Variants in GFRA2 observed in about 807,000 individuals in gnomAD.
GFRA2 encodes GDNF family receptor alpha-2.
Under a neutral mutation model 48.3 loss-of-function variants are expected in GFRA2, and 17 were observed. The ratio of observed to expected loss-of-function variants is 0.35; its 90% CI spans 0.24 to 0.53. The LOEUF is 0.53. GFRA2 is among the 20% of genes least tolerant of loss of function. The pLI, the probability that GFRA2 is intolerant of heterozygous loss-of-function variation, is 0.93. For synonymous variants in GFRA2, 305 were observed against 257.2 expected, an observed-to-expected ratio of 1.19 and a Z score of -1.78; for missense variants, 660 against 637.3, an observed-to-expected ratio of 1.04 and a Z score of -0.38.
At chr8:21,798,916 T>C (rs1038033374) in intron 2 of GFRA2, among the ~76,000 whole-genome samples, 5 of 152,234 alleles carry the variant, frequency 3.3e-5, no homozygotes, top group African/African-American at 1.2e-4. Flanking sequence ...CTCCCATTCT[T>C]ATCTGTACTC....
intron 4 of GFRA2, among the ~76,000 whole-genome samples, chr8:21,723,375 A>T (rs537879009): frequency 1.2e-4 from 18 of 152,336 alleles, no homozygotes; most frequent in South Asian, 2.1e-4. Context: ...CCAAAGGAAG[A>T]AAAATCTGAG....
At chr8:21,788,048 CGGCG>C in intron 1 of GFRA2, 68 bp downstream of exon 1, 3 of 665,726 alleles carry the variant, frequency 4.5e-6, no homozygotes, top group Non-Finnish European at 7.2e-6. Context: ...AGCCCCCCAC[CGGCG>C]CTCCGCTCGC....
upstream of GFRA2, among the ~76,000 whole-genome samples, chr8:21,792,327 T>C (rs1807587147): frequency 6.6e-6 from 1 of 152,036 alleles, no homozygotes; most frequent in African/African-American, 2.4e-5. Context: ...ACCCCAGAGA[T>C]AAAAATCGAC....
chr8:21,719,887 T>G (rs547815099), intron 4 of GFRA2, among the ~76,000 whole-genome samples: 3 of 151,674 alleles, frequency 2.0e-5, no homozygotes, highest in African/African-American at 7.3e-5. Flanking sequence ...AGACCAGTAA[T>G]TTGTCCGAAG....
chr8:21,697,762 C>G (rs1026882784), intron 7 of GFRA2, among the ~76,000 whole-genome samples: 1 of 152,108 alleles, frequency 6.6e-6, no homozygotes, highest in Admixed American at 6.5e-5. Context: ...GAATCATGGG[C>G]GTGGGTCTCT....
upstream of GFRA2, among the ~76,000 whole-genome samples, chr8:21,791,412 G>C (rs1247935527): frequency 6.6e-6 from 1 of 151,980 alleles, no homozygotes; most frequent in African/African-American, 2.4e-5. Context: ...TCTGACCTTG[G>C]ACCCTCTCTT....
intron 7 of GFRA2, among the ~76,000 whole-genome samples, chr8:21,700,332 AGGGCTGCCCAGAGAGGG>A (rs1460152868): frequency 6.6e-6 from 1 of 152,234 alleles, no homozygotes; most frequent in Non-Finnish European, 1.5e-5. Context: ...CCAGGGAGGC[AGGGCTGCCCAGAGAGGG>A]GGCCAAAGCC....
At chr8:21,808,489 A>G (rs1807912288) in intron 1 of GFRA2, among the ~76,000 whole-genome samples, 1 of 152,252 alleles carries the variant, frequency 6.6e-6, no homozygotes, top group South Asian at 2.1e-4. Context: ...CCAAAGTCAG[A>G]GTAAGCCTAG....
chr8:21,806,722 C>T (rs1807875441), intron 1 of GFRA2, among the ~76,000 whole-genome samples: 1 of 152,178 alleles, frequency 6.6e-6, no homozygotes, highest in Non-Finnish European at 1.5e-5. Flanking sequence ...CCACCTCTGC[C>T]TCCCAAAGCA....
At chr8:21,784,898 C>T (rs1376396265) in intron 1 of GFRA2, among the ~76,000 whole-genome samples, 1 of 152,146 alleles carries the variant, frequency 6.6e-6, no homozygotes, top group African/African-American at 2.4e-5. Context: ...GAGCAGGACC[C>T]GCGTACAGCC....
Position 21,707,626 on chromosome 8 carries a change from G to A in GFRA2, c.795-1585C>T, listed in dbSNP as rs554567467. The stretch of plus-strand genomic sequence containing the variant: ...GGGTACCAAACCAAGAGTCAGCTCA[G>A]CTCTGCCCTAACTCACTGGGAGACC... On this transcript the variant is annotated intron_variant, in intron 4 of 8. Coordinates refer to ENST00000524240, the MANE Select transcript of GFRA2 (RefSeq NM_001495.5). Among the ~76,000 whole-genome samples the A allele has an allele frequency of 2.0e-5, 3 of 152,330 alleles. No homozygotes were observed. The South Asian group carries it at 6.2e-4, about 32-fold the overall frequency.
chr8:21,796,895 T>C (rs200337451), intron 2 of GFRA2, among the ~76,000 whole-genome samples: 1,873 of 152,350 alleles, frequency 0.012, 52 homozygotes, highest in East Asian at 0.12. Context: ...GTGCACGGCC[T>C]TCAACAGCCT....
chr8:21,811,666 C>T (rs1333629497), intron 1 of GFRA2, among the ~76,000 whole-genome samples: 1 of 152,038 alleles, frequency 6.6e-6, no homozygotes, highest in African/African-American at 2.4e-5. Context: ...AAGTCCTCCC[C>T]CCGCCTTCCC....
At chr8:21,755,146 C>T (rs1318828874) in intron 3 of GFRA2, among the ~76,000 whole-genome samples, 1 of 152,050 alleles carries the variant, frequency 6.6e-6, no homozygotes, top group Non-Finnish European at 1.5e-5. Context: ...AGGATGCATG[C>T]CATTAGACGT....
intron 4 of GFRA2, among the ~76,000 whole-genome samples, chr8:21,735,188 C>A (rs1387831531): frequency 2.0e-5 from 3 of 152,206 alleles, no homozygotes; most frequent in Admixed American, 2.0e-4. Flanking sequence ...AATAAACTTT[C>A]TAAATTGACT....
intron 4 of GFRA2, among the ~76,000 whole-genome samples, chr8:21,717,188 G>C (rs1022730973): frequency 3.9e-5 from 6 of 152,214 alleles, no homozygotes; most frequent in African/African-American, 1.4e-4. Flanking sequence ...TTCAAGGAGA[G>C]CAACTCCGAA....
rs186497822 is a variant in GFRA2 at position 21,699,655 on chromosome 8, A to G, written c.1218+3150T>C. Among the ~76,000 whole-genome samples, 4 of 152,214 alleles carry G rather than the reference A, an allele frequency of 2.6e-5. No homozygotes were observed. The East Asian group carries it at 5.8e-4, about 22-fold the overall frequency. On this transcript the variant is annotated intron_variant, in intron 7 of 8. Transcript: ENST00000524240. ...ATCATAAGACCACGAGTCTCTAACAAACCTTCCTACACCTTCAACAGAAAA... is the reference window on the plus strand; with the variant it reads ...ATCATAAGACCACGAGTCTCTAACAGACCTTCCTACACCTTCAACAGAAAA...
chr8:21,800,906 A>G (rs559843683), intron 2 of GFRA2, among the ~76,000 whole-genome samples: 2 of 148,578 alleles, frequency 1.3e-5, no homozygotes, highest in South Asian at 4.4e-4. Context: ...AGCCTGGGTC[A>G]CAGAGTGAGA....
rs1178493977 is a variant in GFRA2 at position 21,803,786 on chromosome 8, C to T, written c.-36+1231G>A. On this transcript the variant is annotated intron_variant, in intron 2 of 10. Transcript: ENST00000517328. ...TAGCTGGGACTACAGGCACAAACCA[C>T]CACACCTGCTTAATTTATTTTACTT... 2.0e-5 allele frequency among the ~76,000 whole-genome samples: 3 copies of T among 152,184 alleles called. No homozygotes were observed. In the East Asian group the frequency reaches 5.8e-4, roughly 29 times the overall value.
Sources: gnomAD v4.1 joint callset for allele counts (sites outside exome capture counted in the v4.1 genomes callset) on GRCh38, gnomAD v4.1.1 for gene constraint, MANE v1.5 for transcripts, NCBI Gene and HGNC (gene_info 2026-07-23, HGNC 2026-07-21) for gene names.